Variants in ANXA7 observed in about 807,000 individuals in gnomAD.
The protein encoded by ANXA7 is annexin A7, also known as annexin VII.
ANXA7 carries 55 observed loss-of-function variants against 64.9 expected under a neutral mutation model. The observed-to-expected ratio is 0.85, with a 90% confidence interval of 0.68 to 1.06. The LOEUF (loss-of-function observed/expected upper bound fraction) is 1.06, where lower values mean the gene tolerates loss of function less well. ANXA7 is among the 50% of genes least tolerant of loss of function. ANXA7 has a pLI of 0.00. For synonymous variants in ANXA7, 200 were observed against 192.4 expected (o/e 1.04, Z -0.33); for missense variants, 548 against 582.1 (o/e 0.94, Z 0.60).
intron 7 of ANXA7, among the ~76,000 whole-genome samples, chr10:73,386,320 G>C (rs1458208748): frequency 1.3e-5 from 2 of 151,724 alleles, no homozygotes; most frequent in African/African-American, 4.8e-5. Flanking sequence ...TTTAGAAACT[G>C]ATCATCCATT....
chr10:73,388,911 T>C (rs987540325), intron 5 of ANXA7, among the ~76,000 whole-genome samples: 2 of 152,220 alleles, frequency 1.3e-5, no homozygotes, highest in African/African-American at 4.8e-5. Context: ...AATAAATCTA[T>C]ATGAAAATTA....
At chr10:73,411,977 T>C (rs2046897150) in intron 1 of ANXA7, among the ~76,000 whole-genome samples, 2 of 152,232 alleles carry the variant, frequency 1.3e-5, no homozygotes, top group Admixed American at 6.5e-5. Flanking sequence ...CTCAAGGAAG[T>C]AGAAAACAGT....
chr10:73,403,300 G>C (rs889249142), intron 1 of ANXA7, among the ~76,000 whole-genome samples: 2 of 152,166 alleles, frequency 1.3e-5, no homozygotes, highest in Non-Finnish European at 1.5e-5. Flanking sequence ...ATCAGCCTGG[G>C]CAACAAAGAA....
chr10:73,406,208 G>A (rs1380044867), intron 1 of ANXA7, among the ~76,000 whole-genome samples: 1 of 152,020 alleles, frequency 6.6e-6, no homozygotes, highest in East Asian at 1.9e-4. Flanking sequence ...TGGCCGCCTC[G>A]GCCTCCCAAG....
chr10:73,387,980 A>C (rs962059356), intron 6 of ANXA7, among the ~76,000 whole-genome samples, 197 bp from the exon 7 acceptor site: 3 of 151,420 alleles, frequency 2.0e-5, no homozygotes, highest in African/African-American at 7.3e-5. Context: ...GCTTCCCGTG[A>C]AGCTGGGATT....
chr10:73,384,759 G>A (rs2055336523), intron 7 of ANXA7, among the ~76,000 whole-genome samples: 1 of 152,110 alleles, frequency 6.6e-6, no homozygotes, highest in African/African-American at 2.4e-5. Flanking sequence ...AAGGTAACCT[G>A]TACTCTAGCA....
intron 7 of ANXA7, 151 bp downstream of exon 7, chr10:73,387,538 G>A (rs2132664276): frequency 1.8e-6 from 1 of 551,330 alleles, no homozygotes; most frequent in East Asian, 3.8e-5. Context: ...ACAAAAAACA[G>A]AAATAGGGAA....
intron 1 of ANXA7, among the ~76,000 whole-genome samples, chr10:73,401,557 T>C (rs944179322): frequency 1.3e-5 from 2 of 152,110 alleles, no homozygotes; most frequent in Non-Finnish European, 2.9e-5. Context: ...TGGAGTGTAG[T>C]GGCACAATCT....
chr10:73,393,894 A>G (rs555893846), intron 5 of ANXA7, among the ~76,000 whole-genome samples: 81 of 152,370 alleles, frequency 5.3e-4, no homozygotes, highest in African/African-American at 1.8e-3. Context: ...CTGCACGGCA[A>G]AAGAAACTAC....
At chr10:73,387,844 ATC>A in intron 6 of ANXA7, 61 bp from the exon 7 acceptor site, 47 of 957,328 alleles carry the variant, frequency 4.9e-5, no homozygotes, top group Non-Finnish European at 6.3e-5. Flanking sequence ...GCTTGAGGTC[ATC>A]TTTTTTTTTT....
Position 73,406,041 on chromosome 10 carries a change from C to T in ANXA7, c.-1-5184G>A, listed in dbSNP as rs2055752426. On this transcript the variant is annotated intron_variant, in intron 1 of 12. Coordinates refer to ENST00000372921, the MANE Select transcript of ANXA7 (RefSeq NM_001156.5). ...TGCAATCTCGGCTCACTGCAGCTTC[C>T]ACCTCCTGGGTTCAAGCAATTCTCC... 2.6e-5 allele frequency among the ~76,000 whole-genome samples: 4 copies of T among 151,896 alleles called. No individual in the cohort carries two copies. The South Asian group carries it at 6.2e-4, about 24-fold the overall frequency.
rs1268626885 is a variant in ANXA7, at chr10:73,375,376, C to A, written c.*719G>T. ...GTCAAGGTGACAGATACGTAATTAGCCTGACCTTAATTGTGGAATCATTAC... is the reference window on the plus strand; with the variant it reads ...GTCAAGGTGACAGATACGTAATTAGACTGACCTTAATTGTGGAATCATTAC... On this transcript the variant is annotated 3_prime_UTR_variant, in exon 13 of 13. Coordinates refer to ENST00000372921, the MANE Select transcript of ANXA7 (RefSeq NM_001156.5). 1.3e-5 allele frequency: 2 copies of A among 152,070 alleles called. No homozygotes were observed. The highest frequency in any genetic ancestry group is 2.9e-5 in the Non-Finnish European group (2 of 68,020). 9.4% of individuals were successfully genotyped at this position (152,070 alleles called of 1,614,324 possible).
At chr10:73,411,726 G>A (rs1456082494) in intron 1 of ANXA7, among the ~76,000 whole-genome samples, 1 of 151,904 alleles carries the variant, frequency 6.6e-6, no homozygotes. Context: ...GCCACTGTGC[G>A]GGGCCATTGC....
chr10:73,398,061 A>G, intron 3 of ANXA7, 120 bp downstream of exon 3: 1 of 980,938 alleles, frequency 1.0e-6, no homozygotes, highest in Non-Finnish European at 1.5e-6. Flanking sequence ...CTTACTACCT[A>G]AGGTTACCTA....
intron 5 of ANXA7, among the ~76,000 whole-genome samples, chr10:73,390,826 G>A (rs949432479): frequency 4.6e-5 from 7 of 151,192 alleles, no homozygotes; most frequent in African/African-American, 1.7e-4. Context: ...TAAGTTTGAA[G>A]TAAATTTTCA....
chr10:73,403,218 C>A (rs910597593), intron 1 of ANXA7, among the ~76,000 whole-genome samples: 2 of 152,122 alleles, frequency 1.3e-5, no homozygotes, highest in Admixed American at 6.5e-5. Flanking sequence ...CCAGGCACAG[C>A]GGCTCATGCC....
At position 73,380,013 on chromosome 10, in the gene ANXA7, CA is replaced by C; in HGVS notation, c.1089+17del. On this transcript the variant is annotated intron_variant, in intron 10 of 12. Transcript: ENST00000372921. ...TATCTTACAGCAGAAGCCAAATCTT[CA>C]AAAGAAAAGCTCATACCCTAGAATA... 1.2e-6 allele frequency: 2 copies of C among 1,611,350 alleles called. No homozygotes were observed. Among genetic ancestry groups the C allele is most frequent in the Non-Finnish European group, 1.7e-6 (2 of 1,179,272 alleles).
At chr10:73,406,560 C>T (rs983404659) in intron 1 of ANXA7, among the ~76,000 whole-genome samples, 5 of 152,004 alleles carry the variant, frequency 3.3e-5, no homozygotes, top group African/African-American at 1.2e-4. Flanking sequence ...GTACTGGCTC[C>T]AATTATTATT....
rs1273087228 is a variant in ANXA7 at position 73,398,201 on chromosome 10, C to G, written c.239G>C (p.Gly80Ala). The part of the protein sequence containing the change: ...GGYPGAPQPG[G>A]APSYPGVPPG... ...CTCACCTCCGGGATAGGATGGAGCT[C>G]CCCCTGGCTGTGGGGCACCAGGATA... is the stretch of plus-strand genomic sequence containing the variant. Residue 80 changes from glycine (G) to alanine (A), a missense_variant, in exon 3 of 13, where the codon GGA becomes GCA. Transcript: ENST00000372921. 1 of 1,612,980 alleles carries G rather than the reference C, an allele frequency of 6.2e-7. No homozygotes were observed. The highest frequency in any genetic ancestry group is 1.7e-5 in the Admixed American group (1 of 60,008).
Sources: allele counts gnomAD v4.1 joint callset (sites outside exome capture counted in the v4.1 genomes callset), GRCh38; gene constraint gnomAD v4.1.1; transcripts MANE v1.5; gene names NCBI Gene and HGNC (gene_info 2026-07-23, HGNC 2026-07-21).